Variants in SUGCT observed in about 807,000 individuals in gnomAD.
The protein encoded by SUGCT is succinyl-CoA:glutarate CoA-transferase.
In SUGCT, 41 loss-of-function variants were observed where a neutral mutation model predicts 55.0. The ratio of observed to expected loss-of-function variants is 0.74; its 90% CI spans 0.58 to 0.97. The LOEUF (loss-of-function observed/expected upper bound fraction) is 0.97, where lower values mean the gene tolerates loss of function less well. SUGCT is among the 50% of genes least tolerant of loss of function. The probability of loss-of-function intolerance (pLI) is 0.00; values close to 1 mark genes in which losing one functional copy is unlikely to be tolerated. For synonymous variants in SUGCT, 187 were observed against 200.4 expected, an observed-to-expected ratio of 0.93 and a Z score of 0.56; for missense variants, 568 against 547.8, an observed-to-expected ratio of 1.04 and a Z score of -0.37.
At chr7:40,352,276 T>A (rs1325684730) in intron 9 of SUGCT, among the ~76,000 whole-genome samples, 1 of 152,182 alleles carries the variant, frequency 6.6e-6, no homozygotes, top group Admixed American at 6.5e-5. Context: ...TCTATACAAT[T>A]TTTTTTAGTA....
At chr7:40,248,550 A>G (rs533113396) in intron 7 of SUGCT, among the ~76,000 whole-genome samples, 38 of 151,552 alleles carry the variant, frequency 2.5e-4, no homozygotes, top group African/African-American at 8.0e-4. Flanking sequence ...AATTTTCTAC[A>G]TGCGCAATTA....
At chr7:40,136,498 G>A (rs929784228) in intron 1 of SUGCT, among the ~76,000 whole-genome samples, 1 of 152,120 alleles carries the variant, frequency 6.6e-6, no homozygotes, top group Admixed American at 6.5e-5. Context: ...CACACAGACA[G>A]TTTTTTTGTT....
At chr7:40,991,397 A>C in the SUGCT span, among the ~76,000 whole-genome samples, 1 of 152,198 alleles carries the variant, frequency 6.6e-6, no homozygotes, top group Admixed American at 6.5e-5. Flanking sequence ...TATAATAATA[A>C]TTTGAAAAAT....
intron 5 of SUGCT, among the ~76,000 whole-genome samples, chr7:40,194,491 C>A (rs1786127544): frequency 6.6e-6 from 1 of 152,166 alleles, no homozygotes; most frequent in African/African-American, 2.4e-5. Flanking sequence ...ATCTTGAACT[C>A]CTGGGCTCAA....
chr7:40,867,017 G>A, the SUGCT span, among the ~76,000 whole-genome samples: 2 of 151,732 alleles, frequency 1.3e-5, no homozygotes, highest in African/African-American at 4.8e-5. Context: ...AGGCCCAGAT[G>A]GGGGGAGAAA....
At chr7:40,463,186 A>G (rs1052597032) in intron 11 of SUGCT, among the ~76,000 whole-genome samples, 10 of 152,292 alleles carry the variant, frequency 6.6e-5, no homozygotes, top group African/African-American at 2.4e-4. Flanking sequence ...TTTTTATTTT[A>G]GAAAATCTTT....
rs1383078962 is a variant in SUGCT at position 40,507,598 on chromosome 7, G to A, written c.1089+11212G>A. Among the ~76,000 whole-genome samples the A allele has an allele frequency of 2.6e-5, 4 of 152,122 alleles. No individual in the cohort carries two copies. In the South Asian group the frequency reaches 8.3e-4, roughly 32 times the overall value. On this transcript the variant is annotated intron_variant, in intron 12 of 13. Transcript: ENST00000335693. ...GACCCAGCCTTTAGATATGGACATA[G>A]TTGCCCAGACTTCCATGGATGAGTG... is the stretch of plus-strand genomic sequence containing the variant.
At chr7:40,840,113 T>G (rs1235931495) in intron 13 of SUGCT, among the ~76,000 whole-genome samples, 2 of 152,148 alleles carry the variant, frequency 1.3e-5, no homozygotes, top group Admixed American at 6.5e-5. Flanking sequence ...GCATGCCAAC[T>G]CAAAAATGCA....
chr7:40,369,352 C>A (rs1322973812), intron 9 of SUGCT, among the ~76,000 whole-genome samples: 1 of 152,112 alleles, frequency 6.6e-6, no homozygotes, highest in African/African-American at 2.4e-5. Context: ...AAGATGACTT[C>A]TAAATTGAGT....
intron 9 of SUGCT, among the ~76,000 whole-genome samples, chr7:40,421,356 C>T (rs546030292): frequency 6.6e-6 from 1 of 152,062 alleles, no homozygotes; most frequent in Admixed American, 6.6e-5. Context: ...CCTCAATACC[C>T]CACCTCTTGC....
chr7:40,500,395 A>AT, intron 12 of SUGCT, among the ~76,000 whole-genome samples: 1 of 152,302 alleles, frequency 6.6e-6, no homozygotes, highest in Admixed American at 6.5e-5. Context: ...GCTGGCCCTG[A>AT]TTTTAACTAG....
the SUGCT span, among the ~76,000 whole-genome samples, chr7:41,036,067 G>A: frequency 3.1e-4 from 47 of 152,304 alleles, no homozygotes; most frequent in Admixed American, 1.2e-3. Context: ...ATCCTTCAGG[G>A]AGGACTCAGG....
chr7:40,749,630 G>T lies in SUGCT; in HGVS notation c.1153+133G>T, dbSNP rs2128712007. On this transcript the variant is annotated intron_variant, in intron 13 of 13. Transcript: ENST00000335693. ...TCCAAATTTATAACATTGGGTAAAAGGGGAATCCTAGGACTGCACTCACAA... is the reference window on the plus strand; with the variant it reads ...TCCAAATTTATAACATTGGGTAAAATGGGAATCCTAGGACTGCACTCACAA... 4 of 718,748 alleles carry T rather than the reference G, an allele frequency of 5.6e-6. No individual in the cohort carries two copies. The South Asian group carries it at 7.1e-5, about 13-fold the overall frequency. 44.5% of individuals were successfully genotyped at this position (718,748 alleles called of 1,614,324 possible). A position where few individuals can be genotyped will look rare whatever the true frequency, so the allele number is the denominator to read the frequency against.
intron 1 of SUGCT, among the ~76,000 whole-genome samples, chr7:40,172,803 G>A (rs1784738435): frequency 6.6e-6 from 1 of 152,166 alleles, no homozygotes; most frequent in Non-Finnish European, 1.5e-5. Flanking sequence ...CAACCAGAAG[G>A]GTTGGGGGTT....
In SUGCT at chr7:40,447,569, T is replaced by C. The variant is rs559149934; in HGVS notation, c.817-1718T>C. On this transcript the variant is annotated intron_variant, in intron 9 of 13. Transcript: ENST00000335693. ...GGCAGGTGGCGCTCTTATGTCATTA[T>C]AGAAGAAGGGAACAAAGGAACATTC... Among the ~76,000 whole-genome samples the C allele has an allele frequency of 2.0e-5, 3 of 152,288 alleles. No individual in the cohort carries two copies. The South Asian group carries it at 6.2e-4, about 32-fold the overall frequency.
At chr7:40,288,779 T>C (rs1793522583) in intron 8 of SUGCT, among the ~76,000 whole-genome samples, 2 of 152,156 alleles carry the variant, frequency 1.3e-5, no homozygotes, top group Non-Finnish European at 2.9e-5. Flanking sequence ...TGTATAAAAT[T>C]AATAATTATT....
chr7:40,946,610 G>A, the SUGCT span, among the ~76,000 whole-genome samples: 2 of 152,142 alleles, frequency 1.3e-5, no homozygotes, highest in East Asian at 1.9e-4. Flanking sequence ...TTTAAAGTAT[G>A]TCTTTTAGGG....
Position 40,282,490 on chromosome 7 carries a change from C to T in SUGCT, c.720+7834C>T, listed in dbSNP as rs140885249. Reference sequence around the variant, plus strand: ...CTCAAAAATACTGAAAAAACAAAAACAAAAACAAACAAACAAACAAACAAA... The same window carrying T: ...CTCAAAAATACTGAAAAAACAAAAATAAAAACAAACAAACAAACAAACAAA... On this transcript the variant is annotated intron_variant, in intron 8 of 13. Transcript: ENST00000335693. 5.0e-5 allele frequency among the ~76,000 whole-genome samples: 5 copies of T among 99,150 alleles called. No individual in the cohort carries two copies. In the Admixed American group the frequency reaches 5.1e-4, roughly 10 times the overall value. The allele number at this position is 99,150 out of a possible 152,430, so 65.0% of individuals were successfully genotyped here.
At chr7:40,208,332 C>G (rs1482444114) in intron 6 of SUGCT, among the ~76,000 whole-genome samples, 2 of 151,938 alleles carry the variant, frequency 1.3e-5, no homozygotes, top group East Asian at 3.9e-4. Context: ...ATGGTTAAAA[C>G]TAATTTTTTT....
Sources: gnomAD v4.1 joint callset for allele counts (sites outside exome capture counted in the v4.1 genomes callset) on GRCh38, gnomAD v4.1.1 for gene constraint, MANE v1.5 for transcripts, NCBI Gene and HGNC (gene_info 2026-07-23, HGNC 2026-07-21) for gene names.